Variants in CD109 observed in about 807,000 individuals in gnomAD.
The protein encoded by CD109 is CD109 molecule, also known as CD109 antigen.
A neutral mutation model predicts 165.8 loss-of-function variants in CD109; 149 were observed. The ratio of observed to expected loss-of-function variants is 0.90; its 90% confidence interval spans 0.79 to 1.03. The LOEUF is 1.03. Among genes scored for constraint, CD109 ranks in the 50% least tolerant of loss-of-function variants. The pLI is 0.00. For missense variants in CD109, 1,712 were observed against 1,677.8 expected (o/e 1.02, Z -0.36); for synonymous variants, 585 against 592.1 (o/e 0.99, Z 0.18).
At chr6:73,762,075 G>A (rs185828464) in intron 7 of CD109, among the ~76,000 whole-genome samples, 84 of 152,098 alleles carry the variant, frequency 5.5e-4, no homozygotes, top group African/African-American at 2.0e-3. Context: ...CAGTTCTCCT[G>A]CCTCAGCCTC....
At chr6:73,731,576 T>C (rs1012755639) in intron 4 of CD109, among the ~76,000 whole-genome samples, 1 of 152,160 alleles carries the variant, frequency 6.6e-6, no homozygotes, top group African/African-American at 2.4e-5. Flanking sequence ...CAGGGCCTTA[T>C]TGGCCATGAT....
In CD109 at chr6:73,782,612, A is replaced by G. The variant is rs754220225; in HGVS notation, c.1964-2A>G. 1.2e-6 allele frequency: 2 copies of G among 1,610,890 alleles called. No individual in the cohort carries two copies. The highest frequency in any genetic ancestry group is 3.3e-5 in the Admixed American group (2 of 59,810). ...CTAACTACTGTCAATGTTTATTTAT[A>G]GATGACAATGCAGAATATGCTGAGA... On this transcript the variant is annotated splice_acceptor_variant, in intron 17 of 32. Transcript: ENST00000287097. LOFTEE classifies it high-confidence loss of function.
the CD109 span, among the ~76,000 whole-genome samples, chr6:73,683,010 G>A: frequency 6.8e-4 from 104 of 152,330 alleles, no homozygotes; most frequent in African/African-American, 2.4e-3. Context: ...GGCCTGTGAT[G>A]GGAGGGGCTG....
intron 2 of CD109, among the ~76,000 whole-genome samples, chr6:73,706,325 T>A (rs1771263862): frequency 3.3e-5 from 5 of 151,974 alleles, no homozygotes; most frequent in Admixed American, 3.3e-4. Flanking sequence ...CGCTGGATTG[T>A]AGGAAATTAG....
chr6:73,682,224 T>C, the CD109 span, among the ~76,000 whole-genome samples: 1 of 152,326 alleles, frequency 6.6e-6, no homozygotes, highest in East Asian at 1.9e-4. Flanking sequence ...CCTCTGAACC[T>C]GTAAAATCAA....
rs1194229821 is a variant in CD109, at chr6:73,697,499, G to C, written c.174G>C (p.Val58=). The C allele has an allele frequency of 1.2e-6, 2 of 1,614,196 alleles. No individual in the cohort carries two copies. The highest frequency in any genetic ancestry group is 2.2e-5 in the South Asian group (2 of 91,080). The change falls in exon 2 of 33, where the codon GTG becomes GTC. Residue 58 remains valine, a synonymous_variant. Coordinates refer to ENST00000287097, the MANE Select transcript of CD109 (RefSeq NM_133493.5). ...AACACTGCCCTTCACAGGTGACTGT[G>C]AAGGCGGAGCTGCTCAAGACAGCAT... ...LLEHCPSQVT[V]KAELLKTASN...
At chr6:73,790,806 C>T (rs1332145327) in intron 22 of CD109, among the ~76,000 whole-genome samples, 3 of 152,052 alleles carry the variant, frequency 2.0e-5, no homozygotes, top group Non-Finnish European at 1.5e-5. Context: ...CCCAGTCCAC[C>T]AATTCAAATG....
chr6:73,690,129 T>C, the CD109 span, among the ~76,000 whole-genome samples: 1 of 152,236 alleles, frequency 6.6e-6, no homozygotes, highest in East Asian at 1.9e-4. Context: ...TTTCTTGTAT[T>C]TCATTATGTA....
At chr6:73,745,731 TTTG>T (rs762715189) in intron 5 of CD109, among the ~76,000 whole-genome samples, 6 of 152,090 alleles carry the variant, frequency 3.9e-5, no homozygotes, top group Admixed American at 1.3e-4. Context: ...AGATTAATTT[TTTG>T]TTGTTTGTTT....
chr6:73,813,878 G>A (rs186602887), intron 29 of CD109, among the ~76,000 whole-genome samples: 4 of 152,210 alleles, frequency 2.6e-5, no homozygotes, highest in Non-Finnish European at 5.9e-5. Flanking sequence ...GCATGCCACC[G>A]AAAGGGGAAT....
chr6:73,807,936 T>G, intron 25 of CD109, 147 bp from the exon 26 acceptor site: 1 of 618,468 alleles, frequency 1.6e-6, no homozygotes, highest in Non-Finnish European at 2.7e-6. Flanking sequence ...TCAATGATCA[T>G]GGTTGATTTT....
At chr6:73,788,166 C>T (rs775453741) in intron 21 of CD109, among the ~76,000 whole-genome samples, 6 of 151,992 alleles carry the variant, frequency 3.9e-5, no homozygotes, top group Admixed American at 6.6e-5. Flanking sequence ...GTGAAAAACA[C>T]GTTTCAGTTA....
intron 30 of CD109, among the ~76,000 whole-genome samples, chr6:73,817,354 A>G (rs151050129): frequency 2.9e-4 from 44 of 152,292 alleles, no homozygotes; most frequent in East Asian, 2.3e-3. Flanking sequence ...CTCATATGCA[A>G]ACACCTCCAG....
chr6:73,695,921 C>G (rs1337655262), upstream of CD109: 1 of 410,748 alleles, frequency 2.4e-6, no homozygotes, highest in East Asian at 6.1e-5. Context: ...CCGCGGCCAG[C>G]TGGGACGCCG....
chr6:73,765,049 A>G (rs1182792897), intron 10 of CD109, among the ~76,000 whole-genome samples: 3 of 152,014 alleles, frequency 2.0e-5, no homozygotes, highest in Non-Finnish European at 4.4e-5. Flanking sequence ...GGGGGTTACT[A>G]TGGGATGCTT....
chr6:73,798,991 C>T (rs1165782563), intron 23 of CD109, among the ~76,000 whole-genome samples: 2 of 152,086 alleles, frequency 1.3e-5, no homozygotes, highest in Non-Finnish European at 2.9e-5. Flanking sequence ...TCCTTCTCCT[C>T]TCTTCTTTCC....
chr6:73,750,435 T>C (rs1773147620), intron 5 of CD109, among the ~76,000 whole-genome samples: 2 of 151,784 alleles, frequency 1.3e-5, no homozygotes, highest in South Asian at 4.2e-4. Context: ...TCAGAGAGAG[T>C]GGCTTTCCAG....
In CD109 at chr6:73,792,820, C is replaced by T. The variant is rs769987850; in HGVS notation, c.2878+18C>T. ...GAGGCAAGGTAAGCATTTTAGAGAC[C>T]TACATTTGTTCGTAGAAAAAAATTT... On this transcript the variant is annotated intron_variant, in intron 23 of 32. Coordinates refer to ENST00000287097, the MANE Select transcript of CD109 (RefSeq NM_133493.5). 15 of 1,583,564 alleles carry T rather than the reference C, an allele frequency of 9.5e-6. No homozygotes were observed. The African/African-American group carries it at 1.9e-4, about 20-fold the overall frequency.
intron 22 of CD109, 73 bp downstream of exon 22, chr6:73,788,685 A>G: frequency 1.5e-6 from 2 of 1,375,500 alleles, no homozygotes; most frequent in South Asian, 2.7e-5. Context: ...GTAATTATAG[A>G]TGTATTTTCT....
Sources: allele counts gnomAD v4.1 joint callset (sites outside exome capture counted in the v4.1 genomes callset), GRCh38; gene constraint gnomAD v4.1.1; transcripts MANE v1.5; gene names NCBI Gene and HGNC (gene_info 2026-07-23, HGNC 2026-07-21).